The following FLNB variants were observed in gnomAD, a reference collection of about 807,000 sequenced individuals.
The protein encoded by FLNB is filamin-B.
In FLNB, 111 loss-of-function variants were observed where a neutral mutation model predicts 250.6. The ratio of observed to expected loss-of-function variants is 0.44; its 90% confidence interval spans 0.38 to 0.52. The LOEUF (loss-of-function observed/expected upper bound fraction) is 0.52, where lower values mean the gene tolerates loss of function less well. Ranked by LOEUF, FLNB falls within the 20% of genes least tolerant of loss-of-function variation. FLNB has a pLI of 0.00. For synonymous variants in FLNB, 1,302 were observed against 1,372.1 expected (o/e 0.95, Z 1.13); for missense variants, 2,869 against 3,447.8 (o/e 0.83, Z 4.20).
chr3:58,150,656 G>T, intron 38 of FLNB: 1 of 276,138 alleles, frequency 3.6e-6, no homozygotes, highest in East Asian at 9.5e-5. Flanking sequence ...GGGCTGTGCT[G>T]CAGAACTCGC....
intron 1 of FLNB, among the ~76,000 whole-genome samples, chr3:58,032,021 C>G (rs562852670): frequency 6.6e-6 from 1 of 151,458 alleles, no homozygotes; most frequent in African/African-American, 2.4e-5. Flanking sequence ...CTCCACTTCC[C>G]AGGGTCAAGC....
At chr3:58,066,294 A>G (rs2097185640) in intron 1 of FLNB, among the ~76,000 whole-genome samples, 1 of 147,510 alleles carries the variant, frequency 6.8e-6, no homozygotes. Flanking sequence ...ATCTCGGCTC[A>G]CCACAACCTC....
At chr3:58,143,994 C>A (rs1452166334) in intron 32 of FLNB, among the ~76,000 whole-genome samples, 1 of 151,964 alleles carries the variant, frequency 6.6e-6, no homozygotes, top group Non-Finnish European at 1.5e-5. Context: ...AGAAGAGGAC[C>A]AGCAGCCCTG....
Position 58,057,552 on chromosome 3 carries a change from G to A in FLNB, c.293-19494G>A, listed in dbSNP as rs535933754. ...TAAAGGGGCCTGACATTAGATGATG[G>A]CTGCTGGGCTAGGGAACAACTTAGA... is the stretch of plus-strand genomic sequence containing the variant. On this transcript the variant is annotated intron_variant, in intron 1 of 45. Transcript: ENST00000295956. 2.0e-4 allele frequency among the ~76,000 whole-genome samples: 30 copies of A among 152,324 alleles called. No homozygotes were observed. The South Asian group carries it at 6.2e-3, about 32-fold the overall frequency.
intron 23 of FLNB, 119 bp downstream of exon 23, chr3:58,125,862 C>T: frequency 1.0e-6 from 1 of 978,394 alleles, no homozygotes; most frequent in Non-Finnish European, 1.6e-6. Context: ...CATGTATTTC[C>T]TTCTGTAGAG....
intron 42 of FLNB, among the ~76,000 whole-genome samples, chr3:58,161,801 T>C (rs2097362231): frequency 6.6e-6 from 1 of 152,074 alleles, no homozygotes. Context: ...GGTGGCAGGA[T>C]GGCTGCAGCA....
chr3:58,046,322 C>T (rs1243361157), intron 1 of FLNB, among the ~76,000 whole-genome samples: 2 of 152,072 alleles, frequency 1.3e-5, no homozygotes, highest in Non-Finnish European at 2.9e-5. Flanking sequence ...AATTTTCTTT[C>T]TTTAAAAAAA....
rs150070349 is a variant in FLNB at position 58,149,892 on chromosome 3, T to C, written c.6134T>C (p.Val2045Ala). ...TTGGCGGTGGAAGGCCCCAGCAAAG[T>C]GGACATCCAGACGGAGGACCTGGAA... is the stretch of plus-strand genomic sequence containing the variant. ...ISLAVEGPSKVDIQTEDLEDG... is the reference protein window; with the variant it reads ...ISLAVEGPSKADIQTEDLEDG... Residue 2045 changes from valine (V) to alanine (A), a missense_variant, in exon 37 of 46, where the codon GTG (valine) becomes GCG (alanine). Around this residue, in one of 5 missense-constraint regions of FLNB, gnomAD observed 1,084 missense variants for 1,315.5 expected, o/e 0.82. Transcript: ENST00000295956. The C allele has an allele frequency of 8.1e-6, 13 of 1,614,094 alleles. No homozygotes were observed. Among genetic ancestry groups the C allele is most frequent in the Admixed American group, 1.7e-5 (1 of 60,004 alleles).
At position 58,123,703 on chromosome 3, in the gene FLNB, TAAAAAAAAAAAAA is replaced by T; in HGVS notation, c.3724+24_3724+36del. On this transcript the variant is annotated intron_variant, in intron 21 of 45. Transcript: ENST00000295956. Reference sequence around the variant, plus strand: ...ATAGAAGGGAAAGGTGGGTTTCATTTAAAAAAAAAAAAAAAAAAAAAAAGACAAGCTGGGACTT... The same window carrying T: ...ATAGAAGGGAAAGGTGGGTTTCATTTAAAAAAAAAAGACAAGCTGGGACTT... The T allele has an allele frequency of 1.8e-6, 2 of 1,117,176 alleles. No individual in the cohort carries two copies. Among genetic ancestry groups the T allele is most frequent in the Non-Finnish European group, 2.4e-6 (2 of 816,962 alleles). The allele number at this position is 1,117,176 out of a possible 1,614,324, so 69.2% of individuals were successfully genotyped here.
At chr3:58,096,349 C>T in intron 6 of FLNB, 131 bp downstream of exon 6, 1 of 736,462 alleles carries the variant, frequency 1.4e-6, no homozygotes, top group Non-Finnish European at 2.4e-6. Flanking sequence ...GATCTATGCT[C>T]ATGATAGAAA....
intron 4 of FLNB, among the ~76,000 whole-genome samples, chr3:58,086,564 A>G (rs931760775): frequency 2.0e-5 from 3 of 152,068 alleles, no homozygotes; most frequent in Non-Finnish European, 4.4e-5. Flanking sequence ...AGTTCTTTAT[A>G]ATTTTTACCT....
chr3:58,068,834 G>A (rs151320933), intron 1 of FLNB, among the ~76,000 whole-genome samples: 27 of 152,216 alleles, frequency 1.8e-4, no homozygotes, highest in African/African-American at 5.8e-4. Context: ...TTCTAGTTTT[G>A]TGCAGAGTTG....
At chr3:58,091,672 A>C (rs1260498224) in intron 4 of FLNB, among the ~76,000 whole-genome samples, 2 of 152,138 alleles carry the variant, frequency 1.3e-5, no homozygotes, top group Admixed American at 1.3e-4. Flanking sequence ...AAAACTTTTT[A>C]ATGTTTTAAG....
At chr3:58,135,487 G>T (rs923199791) in intron 27 of FLNB, among the ~76,000 whole-genome samples, 5 of 152,186 alleles carry the variant, frequency 3.3e-5, no homozygotes, top group Non-Finnish European at 5.9e-5. Context: ...AGCTCAGTGG[G>T]CTCTCTTAAG....
At position 58,121,558 on chromosome 3, in the gene FLNB, A is replaced by G. The variant is rs887843636; in HGVS notation, c.3126+55A>G. ...TCTCATTGCTGTCAAACATGACACC[A>G]TAGTCCTTCTCTGGTTCTTCCTGGC... On this transcript the variant is annotated intron_variant, in intron 20 of 45. Coordinates refer to ENST00000295956, the MANE Select transcript of FLNB (RefSeq NM_001457.4). 8 of 1,602,654 alleles carry G rather than the reference A, an allele frequency of 5.0e-6. No individual in the cohort carries two copies. In the South Asian group the frequency reaches 5.5e-5, roughly 11 times the overall value.
intron 43 of FLNB, among the ~76,000 whole-genome samples, chr3:58,167,563 C>A (rs1156901845): frequency 1.3e-5 from 2 of 152,244 alleles, no homozygotes; most frequent in Non-Finnish European, 2.9e-5. Context: ...CAGGCATGCG[C>A]CAGACCTGAT....
intron 1 of FLNB, among the ~76,000 whole-genome samples, chr3:58,069,232 C>CT (rs59689498): frequency 0.039 from 3,408 of 86,384 alleles, 363 homozygotes; most frequent in African/African-American, 0.15. Context: ...TAGTTCAATT[C>CT]TTTTTTTTTT....
intron 3 of FLNB, among the ~76,000 whole-genome samples, chr3:58,080,168 C>A (rs2097207166): frequency 2.6e-5 from 4 of 152,178 alleles, no homozygotes; most frequent in African/African-American, 9.7e-5. Context: ...CTGTTCAAAC[C>A]CAAGTAGCTC....
chr3:58,130,416 G>T (rs1165560622), intron 24 of FLNB, among the ~76,000 whole-genome samples: 3 of 152,266 alleles, frequency 2.0e-5, no homozygotes, highest in Non-Finnish European at 4.4e-5. Context: ...CCTCCTGAGT[G>T]CTCCACCTTC....
Sources: gnomAD v4.1 joint callset for allele counts (sites outside exome capture counted in the v4.1 genomes callset) on GRCh38, gnomAD v4.1.1 for gene constraint, gnomAD v4.1.1 regional missense constraint, MANE v1.5 for transcripts, NCBI Gene and HGNC (gene_info 2026-07-23, HGNC 2026-07-21) for gene names.